HSPA13: variants seen among roughly 807,000 people sequenced by gnomAD.
The protein encoded by HSPA13 is heat shock 70 kDa protein 13.
HSPA13 carries 29 observed loss-of-function variants against 38.8 expected under a neutral mutation model. The observed-to-expected ratio is 0.75, with a 90% CI of 0.56 to 1.02. The LOEUF (loss-of-function observed/expected upper bound fraction) is 1.02, where lower values mean the gene tolerates loss of function less well. Among genes scored for constraint, HSPA13 ranks in the 50% least tolerant of loss-of-function variants. HSPA13 has a pLI of 0.00. For missense variants in HSPA13, 451 were observed against 560.9 expected, an observed-to-expected ratio of 0.80 and a Z score of 1.98; for synonymous variants, 192 against 205.3, an observed-to-expected ratio of 0.94 and a Z score of 0.56.
At position 14,378,359 on chromosome 21, in the gene HSPA13, G is replaced by C; in HGVS notation, c.420C>G (p.Ile140Met). 6.2e-7 allele frequency: 1 copy of C among 1,614,100 alleles called. No individual in the cohort carries two copies. Among genetic ancestry groups the C allele is most frequent in the Non-Finnish European group, 8.5e-7 (1 of 1,179,974 alleles). The change falls in exon 3 of 5, where the codon ATC becomes ATG. Residue 140 changes from isoleucine (I) to methionine (M), a missense_variant. Coordinates refer to ENST00000285667, the MANE Select transcript of HSPA13 (RefSeq NM_006948.5). Reference sequence around the variant, plus strand: ...AGCCAACATATTCTGGGGACACTGTGATGGTCTCATTACTTGTCACAGAAA... The same window carrying C: ...AGCCAACATATTCTGGGGACACTGTCATGGTCTCATTACTTGTCACAGAAA... ...VEFSVTSNET[I>M]TVSPEYVGSR...
At chr21:14,380,119 GA>G (rs199539653) in intron 2 of HSPA13, among the ~76,000 whole-genome samples, 11 of 147,308 alleles carry the variant, frequency 7.5e-5, no homozygotes, top group Admixed American at 4.0e-4. Flanking sequence ...ATGTTTAAAA[GA>G]AAAAAAAAGC....
chr21:14,372,643 G>A lies in HSPA13; in HGVS notation c.*974C>T, dbSNP rs888030074. 2.0e-5 allele frequency: 3 copies of A among 152,106 alleles called. No homozygotes were observed. Among genetic ancestry groups the A allele is most frequent in the Admixed American group, 6.5e-5 (1 of 15,274 alleles). 9.4% of individuals were successfully genotyped at this position (152,106 alleles called of 1,614,324 possible). A position where few individuals can be genotyped will look rare whatever the true frequency, so the allele number is the denominator to read the frequency against. On this transcript the variant is annotated 3_prime_UTR_variant, in exon 5 of 5. Transcript: ENST00000285667. The stretch of plus-strand genomic sequence containing the variant: ...ATTTTCCTCATTCAAAACTAAATAT[G>A]AGGAAAAATCTCCGTAAAACGGAAC...
Position 14,374,215 on chromosome 21 carries a change from T to G in HSPA13, c.818A>C (p.Gln273Pro). Residue 273 changes from glutamine to proline, a missense_variant, in exon 5 of 5, where the codon CAA becomes CCA. Coordinates refer to ENST00000285667, the MANE Select transcript of HSPA13 (RefSeq NM_006948.5). ...CCTAGAGGGCACGAAGCCATATGTTTGATAGATCTGTTTATATAAGTACTG... is the reference window on the plus strand; with the variant it reads ...CCTAGAGGGCACGAAGCCATATGTTGGATAGATCTGTTTATATAAGTACTG... ...LLQYLYKQIY[Q>P]TYGFVPSRKE... 6.2e-7 allele frequency: 1 copy of G among 1,613,076 alleles called. No individual in the cohort carries two copies. Among genetic ancestry groups the G allele is most frequent in the Non-Finnish European group, 8.5e-7 (1 of 1,179,990 alleles).
intron 1 of HSPA13, among the ~76,000 whole-genome samples, chr21:14,382,858 A>G (rs1984207163): frequency 6.6e-6 from 1 of 152,036 alleles, no homozygotes; most frequent in African/African-American, 2.4e-5. Context: ...TGTCCCTGGG[A>G]TGGACACAGC....
At chr21:14,378,691 C>G (rs1398114367) in intron 2 of HSPA13, among the ~76,000 whole-genome samples, 1 of 151,376 alleles carries the variant, frequency 6.6e-6, no homozygotes. Context: ...ATGATCTCGG[C>G]TCACCACAAC....
rs1022473197 is a variant in HSPA13, at chr21:14,371,497, A to C, written c.*2120T>G. On this transcript the variant is annotated 3_prime_UTR_variant, in exon 5 of 5. Coordinates refer to ENST00000285667, the MANE Select transcript of HSPA13 (RefSeq NM_006948.5). ...AAATAAATAAACTAAATTGACTTCA[A>C]GACTATTTATAAATAGCCCACTAAA... The C allele has an allele frequency of 6.6e-6, 1 of 152,176 alleles. No homozygotes were observed. Among genetic ancestry groups the C allele is most frequent in the Non-Finnish European group, 1.5e-5 (1 of 67,978 alleles). 9.4% of individuals were successfully genotyped at this position (152,176 alleles called of 1,614,324 possible). A position where few individuals can be genotyped will look rare whatever the true frequency, so the allele number is the denominator to read the frequency against.
rs772949719 is a variant in HSPA13, at chr21:14,373,648, T to C, written c.1385A>G (p.Asn462Ser). The change falls in exon 5 of 5, where the codon AAT (asparagine) becomes AGT (serine). Residue 462 changes from asparagine to serine, a missense_variant. Transcript: ENST00000285667. The part of the protein sequence containing the change: ...PLQVSALEIP[N>S]KHLQKTNFN Reference sequence around the variant, plus strand: ...GAAGTTGGTTTTTTGTAAATGCTTATTGGGAATTTCTAAAGCACTGACTTG... The same window carrying C: ...GAAGTTGGTTTTTTGTAAATGCTTACTGGGAATTTCTAAAGCACTGACTTG... The C allele has an allele frequency of 7.4e-6, 12 of 1,612,424 alleles. No homozygotes were observed. Among genetic ancestry groups the C allele is most frequent in the Admixed American group, 1.7e-5 (1 of 59,706 alleles).
rs778943229 is a variant in HSPA13, at chr21:14,383,135, C to G, written c.-16G>C. 63 of 1,614,116 alleles carry G rather than the reference C, an allele frequency of 3.9e-5. No individual in the cohort carries two copies. The highest frequency in any genetic ancestry group is 5.3e-5 in the Non-Finnish European group (62 of 1,179,988). ...CTCTGGCCATCACAGTCCCGCCGAA[C>G]AGGCTTGTGATGACTGTACCAGACG... On this transcript the variant is annotated 5_prime_UTR_variant, in exon 1 of 5. Transcript: ENST00000285667.
intron 3 of HSPA13, among the ~76,000 whole-genome samples, chr21:14,376,497 T>C (rs749377256): frequency 6.6e-5 from 10 of 152,224 alleles, no homozygotes; most frequent in Non-Finnish European, 1.2e-4. Context: ...GTTGAGCAGG[T>C]AAAAGATCAG....
Position 14,378,200 on chromosome 21 carries a change from T to C in HSPA13, c.579A>G (p.Ala193=). The C allele has an allele frequency of 1.2e-6, 2 of 1,612,468 alleles. No homozygotes were observed. The highest frequency in any genetic ancestry group is 8.5e-7 in the Non-Finnish European group (1 of 1,178,476). ...CATCTCAGTCAAGGGTACTGTTACC[T>C]GCAAGGTTAGCAGCTTCAATTGTTG... ...RNSTIEAANL[A]GLKILRVINE... Residue 193 remains alanine (A), a splice_region_variant and synonymous_variant, in exon 3 of 5, where the codon GCA becomes GCG. Coordinates refer to ENST00000285667, the MANE Select transcript of HSPA13 (RefSeq NM_006948.5).
Position 14,378,301 on chromosome 21 carries a change from C to T in HSPA13, c.478G>A (p.Glu160Lys). 6.2e-7 allele frequency: 1 copy of T among 1,613,678 alleles called. No homozygotes were observed. The highest frequency in any genetic ancestry group is 8.5e-7 in the Non-Finnish European group (1 of 1,179,552). The part of the protein sequence containing the change: ...RLLLKLKEMA[E>K]AYLGMPVANA... ...GCAACTGGCATTCCAAGATATGCCT[C>T]TGCCATTTCCTTTAACTTCAACAAT... is the stretch of plus-strand genomic sequence containing the variant. The change falls in exon 3 of 5, where the codon GAG becomes AAG. Residue 160 changes from glutamate (E) to lysine (K), a missense_variant. Coordinates refer to ENST00000285667, the MANE Select transcript of HSPA13 (RefSeq NM_006948.5).
In HSPA13 at chr21:14,372,839, T is replaced by C. The variant is rs1382779418; in HGVS notation, c.*778A>G. On this transcript the variant is annotated 3_prime_UTR_variant, in exon 5 of 5. Coordinates refer to ENST00000285667, the MANE Select transcript of HSPA13 (RefSeq NM_006948.5). ...GCTTTATTATGACATTAACACATTC[T>C]TCAAATGCAATTACCAATTTTATTC... is the stretch of plus-strand genomic sequence containing the variant. 6.6e-6 allele frequency: 1 copy of C among 152,178 alleles called. No homozygotes were observed. The highest frequency in any genetic ancestry group is 1.5e-5 in the Non-Finnish European group (1 of 67,992). 9.4% of individuals were successfully genotyped at this position (152,178 alleles called of 1,614,324 possible).
chr21:14,382,012 C>T lies in HSPA13; in HGVS notation c.26-469G>A, dbSNP rs1219293967. On this transcript the variant is annotated intron_variant, in intron 1 of 4. Coordinates refer to ENST00000285667, the MANE Select transcript of HSPA13 (RefSeq NM_006948.5). ...AGAAAAACTTTATTATTTTATAAGT[C>T]TAAAATTCTCTCCTCGTATCTCACC... Among the ~76,000 whole-genome samples the T allele has an allele frequency of 2.6e-5, 4 of 152,204 alleles. No individual in the cohort carries two copies. In the East Asian group the frequency reaches 7.7e-4, roughly 29 times the overall value.
Position 14,381,308 on chromosome 21 carries a change from C to T in HSPA13, c.261G>A (p.Leu87=). The T allele has an allele frequency of 6.2e-7, 1 of 1,614,032 alleles. No homozygotes were observed. Among genetic ancestry groups the T allele is most frequent in the Non-Finnish European group, 8.5e-7 (1 of 1,179,970 alleles). Residue 87 remains leucine (L), a synonymous_variant, in exon 2 of 5, where the codon CTG becomes CTA. Coordinates refer to ENST00000285667, the MANE Select transcript of HSPA13 (RefSeq NM_006948.5). ...TTGTGTTTTGAGGATTTGAATCTGCCAGCTCTACGCTTTCATATCCCACAT... is the reference window on the plus strand; with the variant it reads ...TTGTGTTTTGAGGATTTGAATCTGCTAGCTCTACGCTTTCATATCCCACAT... The part of the protein sequence containing the change: ...DVYVGYESVE[L]ADSNPQNTIY...
In HSPA13 at chr21:14,373,730, C is replaced by G. The variant is rs780165793; in HGVS notation, c.1303G>C (p.Ala435Pro). 1.2e-6 allele frequency: 2 copies of G among 1,614,014 alleles called. No individual in the cohort carries two copies. The highest frequency in any genetic ancestry group is 2.2e-5 in the East Asian group (1 of 44,898). Residue 435 changes from alanine to proline, a missense_variant, in exon 5 of 5, where the codon GCA becomes CCA. Transcript: ENST00000285667. The part of the protein sequence containing the change: ...DPNTSVDPDL[A>P]VVTGVAIQAG... ...TGGATAGCCACTCCCGTTACTACTG[C>G]TAGGTCAGGGTCTACAGATGTGTTG...
At chr21:14,382,374 C>A (rs1017549237) in intron 1 of HSPA13, among the ~76,000 whole-genome samples, 3 of 151,682 alleles carry the variant, frequency 2.0e-5, no homozygotes, top group Non-Finnish European at 2.9e-5. Flanking sequence ...TAAACATAAG[C>A]GAAGAAAGAT....
intron 2 of HSPA13, among the ~76,000 whole-genome samples, chr21:14,379,403 T>C (rs1370151869): frequency 1.3e-5 from 2 of 152,154 alleles, no homozygotes; most frequent in African/African-American, 4.8e-5. Context: ...TAGGTTTCCA[T>C]CATGAAAAAC....
At chr21:14,380,138 T>A (rs1371824951) in intron 2 of HSPA13, among the ~76,000 whole-genome samples, 3 of 145,998 alleles carry the variant, frequency 2.1e-5, no homozygotes, top group Admixed American at 6.7e-5. Flanking sequence ...AGCAGCGAAA[T>A]CCAAACCAAC....
At chr21:14,380,148 CAA>C (rs911268714) in intron 2 of HSPA13, among the ~76,000 whole-genome samples, 9 of 148,730 alleles carry the variant, frequency 6.1e-5, no homozygotes, top group African/African-American at 2.2e-4. Context: ...TCCAAACCAA[CAA>C]ATACATAAAC....
Sources: gnomAD v4.1 joint callset for allele counts (sites outside exome capture counted in the v4.1 genomes callset) on GRCh38, gnomAD v4.1.1 for gene constraint, MANE v1.5 for transcripts, NCBI Gene and HGNC (gene_info 2026-07-23, HGNC 2026-07-21) for gene names.